RNF213: variants seen among roughly 807,000 people sequenced by gnomAD.
RNF213 encodes E3 ubiquitin-protein ligase RNF213.
RNF213 carries 341 observed loss-of-function variants against 514.4 expected under a neutral mutation model. The ratio of observed to expected loss-of-function variants is 0.66; its 90% CI spans 0.61 to 0.73. RNF213 has a LOEUF of 0.73. Ranked by LOEUF, RNF213 falls within the 30% of genes least tolerant of loss-of-function variation. The probability of loss-of-function intolerance (pLI) is 0.00; values close to 1 mark genes in which losing one functional copy is unlikely to be tolerated. For missense variants in RNF213, 5,767 were observed against 6,615.6 expected, an observed-to-expected ratio of 0.87 and a Z score of 4.45; for synonymous variants, 2,655 against 2,658.2, an observed-to-expected ratio of 1.00 and a Z score of 0.04.
At chr17:80,307,260 G>T in intron 13 of RNF213, 59 bp downstream of exon 13, 2 of 1,495,272 alleles carry the variant, frequency 1.3e-6, no homozygotes, top group South Asian at 2.3e-5. Context: ...GGCTTCCTCT[G>T]ACCCCTATAA....
At position 80,368,143 on chromosome 17, in the gene RNF213, G is replaced by A; in HGVS notation, c.12155G>A (p.Arg4052Lys). The change falls in exon 44 of 68, where the codon AGG (arginine) becomes AAG (lysine). Residue 4052 changes from arginine (R) to lysine (K), a missense_variant and splice_region_variant. Transcript: ENST00000582970. ...TCTCCAGCTGTTTCCCAAGCGCACA[G>A]GTACAACACCCTTTCTCTCAAGAAA... Reference protein sequence around the residue: ...EFSPAVSQAHREAIEKHARFR... With the variant: ...EFSPAVSQAHKEAIEKHARFR... 6.2e-7 allele frequency: 1 copy of A among 1,614,136 alleles called. No homozygotes were observed. The highest frequency in any genetic ancestry group is 8.5e-7 in the Non-Finnish European group (1 of 1,179,976).
intron 46 of RNF213, among the ~76,000 whole-genome samples, chr17:80,370,795 C>T (rs903807564): frequency 6.6e-6 from 1 of 152,202 alleles, no homozygotes; most frequent in Admixed American, 6.5e-5. Flanking sequence ...GCACATGATA[C>T]AGGTGTCCAG....
chr17:80,303,304 G>A (rs2045241919), intron 11 of RNF213, among the ~76,000 whole-genome samples: 1 of 152,218 alleles, frequency 6.6e-6, no homozygotes, highest in African/African-American at 2.4e-5. Flanking sequence ...AATGACTGCA[G>A]CACTCTGGGC....
chr17:80,302,432 A>G (rs1439070625), intron 11 of RNF213, among the ~76,000 whole-genome samples: 1 of 152,230 alleles, frequency 6.6e-6, no homozygotes, highest in Non-Finnish European at 1.5e-5. Context: ...TTGTAGACAT[A>G]TTTATATGTA....
chr17:80,358,210 A>T lies in RNF213; in HGVS notation c.10863-78A>T, dbSNP rs545604183. The T allele has an allele frequency of 3.4e-5, 43 of 1,281,528 alleles. No homozygotes were observed. In the South Asian group the frequency reaches 4.9e-4, roughly 15 times the overall value. The allele number at this position is 1,281,528 out of a possible 1,614,324, so 79.4% of individuals were successfully genotyped here. A position where few individuals can be genotyped will look rare whatever the true frequency, so the allele number is the denominator to read the frequency against. ...GTTGTTTTGTTAATGCTCAAGAAGG[A>T]ACAAAATGTCAAAAGGTGGCAGACC... On this transcript the variant is annotated intron_variant, in intron 36 of 67. Coordinates refer to ENST00000582970, the MANE Select transcript of RNF213 (RefSeq NM_001256071.3).
chr17:80,389,018 G>T (rs2080352571), intron 64 of RNF213, 155 bp from the exon 65 acceptor site: 1 of 702,420 alleles, frequency 1.4e-6, no homozygotes, highest in African/African-American at 1.7e-5. Context: ...TGGCCTCCAG[G>T]AACTGCCTGC....
chr17:80,389,445 C>T, intron 65 of RNF213, 78 bp downstream of exon 65: 1 of 1,297,010 alleles, frequency 7.7e-7, no homozygotes, highest in South Asian at 1.2e-5. Flanking sequence ...TAGGAGCATT[C>T]AGGGAGTGCC....
chr17:80,325,224 A>C, intron 18 of RNF213, 26 bp downstream of exon 18: 1 of 1,516,326 alleles, frequency 6.6e-7, no homozygotes, highest in Non-Finnish European at 8.8e-7. Flanking sequence ...TGCTGGGAAC[A>C]TCAGCTCAGG....
chr17:80,289,518 A>T lies in RNF213; in HGVS notation c.934-141A>T. On this transcript the variant is annotated intron_variant, in intron 5 of 67. Coordinates refer to ENST00000582970, the MANE Select transcript of RNF213 (RefSeq NM_001256071.3). ...CGCAGGAGAATTGCTTGAGCCTGGGAGGCGGAGGTTGCAGTGAGCTGAGAT... is the reference window on the plus strand; with the variant it reads ...CGCAGGAGAATTGCTTGAGCCTGGGTGGCGGAGGTTGCAGTGAGCTGAGAT... The T allele has an allele frequency of 9.5e-6, 8 of 843,350 alleles. No individual in the cohort carries two copies. In the South Asian group the frequency reaches 1.3e-4, roughly 13 times the overall value. 52.2% of individuals were successfully genotyped at this position (843,350 alleles called of 1,614,324 possible).
At chr17:80,331,563 A>AT (rs1238299725) in intron 20 of RNF213, among the ~76,000 whole-genome samples, 1 of 151,652 alleles carries the variant, frequency 6.6e-6, no homozygotes, top group Non-Finnish European at 1.5e-5. Flanking sequence ...TAATTTTTGT[A>AT]TTTTTAGTAG....
Position 80,290,486 on chromosome 17 carries a change from CGTGT to C in RNF213, c.1113-76_1113-73del, listed in dbSNP as rs139912986. 4.4e-4 allele frequency: 674 copies of C among 1,535,550 alleles called. 3 individuals are homozygous for C. The East Asian group carries it at 7.0e-3, about 16-fold the overall frequency. On this transcript the variant is annotated intron_variant, in intron 6 of 67. Coordinates refer to ENST00000582970, the MANE Select transcript of RNF213 (RefSeq NM_001256071.3). Reference sequence around the variant, plus strand: ...GTGTGTGTGCACGTGTGTGTGCGCACGTGTGTGTGTGCGCGTGTGTGCATGCACA... The same window carrying C: ...GTGTGTGTGCACGTGTGTGTGCGCACGTGTGTGCGCGTGTGTGCATGCACA...
rs764588588 is a variant in RNF213, at chr17:80,394,925, T to C, written c.*1427T>C. 6.6e-6 allele frequency: 1 copy of C among 152,118 alleles called. No homozygotes were observed. Among genetic ancestry groups the C allele is most frequent in the Non-Finnish European group, 1.5e-5 (1 of 68,096 alleles). The allele number at this position is 152,118 out of a possible 1,614,324, so 9.4% of individuals were successfully genotyped here. On this transcript the variant is annotated 3_prime_UTR_variant, in exon 68 of 68. Transcript: ENST00000582970. ...CTGCCACCGAGATCTGCATTCCGACTGCCTATGAACGGGTGTGGGGGCCGG... is the reference window on the plus strand; with the variant it reads ...CTGCCACCGAGATCTGCATTCCGACCGCCTATGAACGGGTGTGGGGGCCGG...
rs2077919897 is a variant in RNF213, at chr17:80,334,259, A to G, written c.4298A>G (p.Glu1433Gly). 2.0e-6 allele frequency: 3 copies of G among 1,533,214 alleles called. No individual in the cohort carries two copies. The allele number at this position is 1,533,214 out of a possible 1,614,324, so 95.0% of individuals were successfully genotyped here. ...AAGGAGTTCATCTGCTGGGTCCGGGAGGCTCTTGGAGGTAAAATCAGCCTT... is the reference window on the plus strand; with the variant it reads ...AAGGAGTTCATCTGCTGGGTCCGGGGGGCTCTTGGAGGTAAAATCAGCCTT... Reference protein sequence around the residue: ...LRKEFICWVREALGGINELKV... With the variant: ...LRKEFICWVRGALGGINELKV... Residue 1433 changes from glutamate to glycine, a missense_variant, in exon 22 of 68, where the codon GAG becomes GGG. This residue lies in a region of RNF213 where 516 missense variants were observed against 566.5 expected (regional missense o/e 0.91). Transcript: ENST00000582970.
intron 54 of RNF213, 164 bp from the exon 55 acceptor site, chr17:80,379,456 C>A (rs1237351670): frequency 2.8e-6 from 2 of 714,044 alleles, no homozygotes; most frequent in East Asian, 2.7e-5. Flanking sequence ...GAGTACCTAC[C>A]CTGTTCCCAT....
chr17:80,369,661 T>C lies in RNF213; in HGVS notation c.12315T>C (p.Asp4105=). ...TCGTCCAAAAGGGGCGCTTAAGAGA[T>C]GCTGCCCAGAGTAGGTTGCTTTCTT... ...LLFVQKGRLR[D]AAQRHCEHTK... Residue 4105 remains aspartate (D), a synonymous_variant, in exon 45 of 68, where the codon GAT becomes GAC. Transcript: ENST00000582970. 1 of 1,614,240 alleles carries C rather than the reference T, an allele frequency of 6.2e-7. No individual in the cohort carries two copies. Among genetic ancestry groups the C allele is most frequent in the Non-Finnish European group, 8.5e-7 (1 of 1,180,046 alleles).
intron 2 of RNF213, 142 bp from the exon 3 acceptor site, chr17:80,273,099 C>T: frequency 9.0e-7 from 1 of 1,110,788 alleles, no homozygotes. Flanking sequence ...CCCTACCCTG[C>T]TCATGTTAGC....
rs549798816 is a variant in RNF213 at position 80,286,479 on chromosome 17, G to A, written c.262-1336G>A. ...TGCAGCCCTGTCCAGCTGCGGCCTC[G>A]TCATGCCCTGGGTGGGTGGGAACGC... On this transcript the variant is annotated intron_variant, in intron 3 of 67. Transcript: ENST00000582970. 1.9e-4 allele frequency among the ~76,000 whole-genome samples: 29 copies of A among 152,248 alleles called. No homozygotes were observed. In the East Asian group the frequency reaches 4.6e-3, roughly 24 times the overall value.
At chr17:80,294,657 G>A (rs2044868805) in intron 8 of RNF213, 63 bp from the exon 9 acceptor site, 1 of 1,584,840 alleles carries the variant, frequency 6.3e-7, no homozygotes, top group Admixed American at 1.7e-5. Flanking sequence ...TTCTAGGCTA[G>A]TGTCTAGGTC....
Position 80,368,902 on chromosome 17 carries a change from C to A in RNF213, c.12156-600C>A, listed in dbSNP as rs187775360. Among the ~76,000 whole-genome samples the A allele has an allele frequency of 4.7e-3, 710 of 152,318 alleles. 10 individuals carry two copies. Among genetic ancestry groups the A allele is most frequent in the South Asian group, 0.032 (153 of 4,828 alleles). On this transcript the variant is annotated intron_variant, in intron 44 of 67. Coordinates refer to ENST00000582970, the MANE Select transcript of RNF213 (RefSeq NM_001256071.3). ...TGGTTTTCTTTCCTTCCCCTTCCCC[C>A]CTTCTCAGGCCTCCTAAAAGTGGGG...
Sources: gnomAD v4.1 joint callset for allele counts (sites outside exome capture counted in the v4.1 genomes callset) on GRCh38, gnomAD v4.1.1 for gene constraint, gnomAD v4.1.1 regional missense constraint, MANE v1.5 for transcripts, NCBI Gene and HGNC (gene_info 2026-07-23, HGNC 2026-07-21) for gene names.